Variants in MTHFD2L observed in about 807,000 individuals in gnomAD.
The protein encoded by MTHFD2L is methylenetetrahydrofolate dehydrogenase (NADP+ dependent) 2 like.
MTHFD2L carries 29 observed loss-of-function variants against 34.9 expected under a neutral mutation model. The ratio of observed to expected loss-of-function variants is 0.83; its 90% CI spans 0.62 to 1.13. The LOEUF is 1.13. Among genes scored for constraint, MTHFD2L ranks in the 50% most tolerant of loss-of-function variants. MTHFD2L has a pLI of 0.00. For synonymous variants in MTHFD2L, 167 were observed against 155.7 expected, an observed-to-expected ratio of 1.07 and a Z score of -0.54; for missense variants, 481 against 446.5, an observed-to-expected ratio of 1.08 and a Z score of -0.70.
chr4:74,235,063 G>T (rs956757197), intron 6 of MTHFD2L, among the ~76,000 whole-genome samples: 13 of 152,096 alleles, frequency 8.5e-5, no homozygotes, highest in Non-Finnish European at 1.5e-5. Context: ...AAAATGACAG[G>T]TGCCTGTCTG....
intron 5 of MTHFD2L, among the ~76,000 whole-genome samples, chr4:74,214,911 G>A (rs1364579945): frequency 1.3e-5 from 2 of 151,780 alleles, no homozygotes; most frequent in Non-Finnish European, 2.9e-5. Flanking sequence ...TGCCCAGTGA[G>A]GAGGAATCTA....
intron 6 of MTHFD2L, among the ~76,000 whole-genome samples, chr4:74,268,853 G>T (rs1745620696): frequency 6.6e-6 from 1 of 152,182 alleles, no homozygotes; most frequent in South Asian, 2.1e-4. Flanking sequence ...ATTAGGGAAA[G>T]CTTAGCTCCT....
chr4:74,147,342 A>G (rs921027018), intron 1 of MTHFD2L, among the ~76,000 whole-genome samples: 9 of 152,248 alleles, frequency 5.9e-5, no homozygotes, highest in Non-Finnish European at 8.8e-5. Context: ...CTCCTGTCTA[A>G]TAGAAGGATT....
chr4:74,138,834 T>C (rs962145090), intron 1 of MTHFD2L, among the ~76,000 whole-genome samples: 4 of 152,200 alleles, frequency 2.6e-5, no homozygotes, highest in Admixed American at 6.5e-5. Context: ...CCTGCTCAAA[T>C]GCCTGGGTTT....
At chr4:74,222,939 T>A (rs961749606) in intron 5 of MTHFD2L, among the ~76,000 whole-genome samples, 2 of 152,016 alleles carry the variant, frequency 1.3e-5, no homozygotes, top group East Asian at 3.8e-4. Flanking sequence ...AATAACAGAT[T>A]CTGGCGAGGT....
At chr4:74,300,759 G>C (rs967710255) in intron 7 of MTHFD2L, among the ~76,000 whole-genome samples, 10 of 151,942 alleles carry the variant, frequency 6.6e-5, no homozygotes, top group African/African-American at 2.2e-4. Flanking sequence ...ACTTATGATG[G>C]GGTTACATCC....
intron 3 of MTHFD2L, chr4:74,194,850 C>CT (rs57698381): frequency 0.27 from 41,681 of 152,046 alleles, 7,212 homozygotes; most frequent in East Asian, 0.58. Context: ...TGTTGTGTCC[C>CT]TTTTTTTGTC....
intron 1 of MTHFD2L, among the ~76,000 whole-genome samples, chr4:74,166,024 A>C (rs1296258808): frequency 1.3e-5 from 2 of 152,228 alleles, no homozygotes; most frequent in East Asian, 3.8e-4. Flanking sequence ...CAAAATGGTA[A>C]TTTATTCCAG....
At chr4:74,145,660 C>T (rs1723551579) in intron 1 of MTHFD2L, among the ~76,000 whole-genome samples, 1 of 152,040 alleles carries the variant, frequency 6.6e-6, no homozygotes, top group Non-Finnish European at 1.5e-5. Flanking sequence ...GGTTTCTGTC[C>T]CCACCCAAAT....
intron 1 of MTHFD2L, among the ~76,000 whole-genome samples, chr4:74,152,730 T>C (rs1490411020): frequency 3.3e-5 from 5 of 152,280 alleles, no homozygotes; most frequent in Non-Finnish European, 4.4e-5. Flanking sequence ...TGTATCCATG[T>C]GTTCTGATCG....
Position 74,201,312 on chromosome 4 carries a change from C to T in MTHFD2L, c.654C>T (p.Asn218=), listed in dbSNP as rs143458463. ...TGGTTGTGGCTGGAAGATCCAAGAA[C>T]GTAGGGATGCCTATTGCCATGCTTT... is the stretch of plus-strand genomic sequence containing the variant. ...KNVVVAGRSK[N]VGMPIAMLLH... The change falls in exon 5 of 8, where the codon AAC becomes AAT. Residue 218 remains asparagine, a synonymous_variant. Transcript: ENST00000325278. 35 of 1,613,560 alleles carry T rather than the reference C, an allele frequency of 2.2e-5. No individual in the cohort carries two copies. Among genetic ancestry groups the T allele is most frequent in the East Asian group, 1.6e-4 (7 of 44,840 alleles).
At chr4:74,140,362 G>T (rs1013111595) in intron 1 of MTHFD2L, 1 of 185,260 alleles carries the variant, frequency 5.4e-6, no homozygotes, top group African/African-American at 2.4e-5. Flanking sequence ...GCACATAGAA[G>T]AGTGTCTGGC....
intron 6 of MTHFD2L, among the ~76,000 whole-genome samples, chr4:74,263,899 A>G (rs1007508149): frequency 1.3e-5 from 2 of 152,074 alleles, no homozygotes; most frequent in Non-Finnish European, 2.9e-5. Flanking sequence ...AGATTAGTCT[A>G]ACCTTTGAAA....
rs975071705 is a variant in MTHFD2L at position 74,281,451 on chromosome 4, A to G, written c.832A>G (p.Met278Val). 1.2e-6 allele frequency: 2 copies of G among 1,612,558 alleles called. No individual in the cohort carries two copies. The highest frequency in any genetic ancestry group is 1.1e-5 in the South Asian group (1 of 90,974). ...AGIPKLITSD[M>V]VKEGAAVIDV... ...TATTCCAAAGTTGATTACGTCTGATATGGTTAAAGAAGGTGCTGCTGTAAT... is the reference window on the plus strand; with the variant it reads ...TATTCCAAAGTTGATTACGTCTGATGTGGTTAAAGAAGGTGCTGCTGTAAT... The change falls in exon 7 of 8, where the codon ATG becomes GTG. Residue 278 changes from methionine (M) to valine (V), a missense_variant. Coordinates refer to ENST00000325278, the MANE Select transcript of MTHFD2L (RefSeq NM_001144978.3).
At chr4:74,281,397 A>T in intron 6 of MTHFD2L, 28 bp from the exon 7 acceptor site, 1 of 1,604,510 alleles carries the variant, frequency 6.2e-7, no homozygotes, top group Non-Finnish European at 8.5e-7. Flanking sequence ...TGTTATGCTG[A>T]AGGACAAACA....
intron 6 of MTHFD2L, among the ~76,000 whole-genome samples, chr4:74,263,323 G>A (rs1343454560): frequency 6.6e-6 from 1 of 151,648 alleles, no homozygotes; most frequent in Non-Finnish European, 1.5e-5. Context: ...GCTCTTTTTT[G>A]GTTCCATATG....
chr4:74,268,855 T>C (rs909638431), intron 6 of MTHFD2L, among the ~76,000 whole-genome samples: 2 of 152,232 alleles, frequency 1.3e-5, no homozygotes, highest in Non-Finnish European at 2.9e-5. Flanking sequence ...TAGGGAAAGC[T>C]TAGCTCCTAG....
chr4:74,175,431 A>G (rs1728847105), intron 3 of MTHFD2L, 28 bp downstream of exon 3: 4 of 1,583,394 alleles, frequency 2.5e-6, no homozygotes, highest in Non-Finnish European at 3.4e-6. Flanking sequence ...TATTTATCTG[A>G]TTTTGTTAAA....
intron 1 of MTHFD2L, among the ~76,000 whole-genome samples, chr4:74,128,961 T>C (rs1352439018): frequency 6.6e-6 from 1 of 152,114 alleles, no homozygotes; most frequent in Non-Finnish European, 1.5e-5. Flanking sequence ...CTGGTTGTTC[T>C]GAGACTCTTC....
Sources: gnomAD v4.1 joint callset for allele counts (sites outside exome capture counted in the v4.1 genomes callset) on GRCh38, gnomAD v4.1.1 for gene constraint, MANE v1.5 for transcripts, NCBI Gene and HGNC (gene_info 2026-07-23, HGNC 2026-07-21) for gene names.